SAMD3: variants seen among roughly 807,000 people sequenced by gnomAD.
SAMD3 encodes sterile alpha motif domain-containing protein 3.
SAMD3 carries 63 observed loss-of-function variants against 58.5 expected under a neutral mutation model. That is an observed-to-expected ratio of 1.08 (90% CI 0.88 to 1.33). The LOEUF (loss-of-function observed/expected upper bound fraction) is 1.33, where lower values mean the gene tolerates loss of function less well. SAMD3 is among the 40% of genes most tolerant of loss of function. SAMD3 has a pLI of 0.00. For missense variants in SAMD3, 604 were observed against 608.4 expected (o/e 0.99, Z 0.08); for synonymous variants, 220 against 210.3 (o/e 1.05, Z -0.40).
chr6:130,317,513 C>T (rs1776420647), intron 1 of SAMD3, among the ~76,000 whole-genome samples: 1 of 152,090 alleles, frequency 6.6e-6, no homozygotes, highest in Admixed American at 6.5e-5. Context: ...TAATAGGGTT[C>T]ATTAGGAAAT....
chr6:130,349,322 A>T (rs2115033470), intron 1 of SAMD3, among the ~76,000 whole-genome samples: 1 of 152,352 alleles, frequency 6.6e-6, no homozygotes, highest in South Asian at 2.1e-4. Flanking sequence ...CAAAATTGAT[A>T]GACCGCTAGC....
intron 9 of SAMD3, among the ~76,000 whole-genome samples, chr6:130,151,687 C>T (rs1486997695): frequency 2.6e-5 from 4 of 151,956 alleles, no homozygotes; most frequent in Non-Finnish European, 2.9e-5. Flanking sequence ...GTGATCTGCC[C>T]GCCTCGGCCT....
chr6:130,342,576 C>T (rs1324494869), intron 1 of SAMD3, among the ~76,000 whole-genome samples: 1 of 152,058 alleles, frequency 6.6e-6, no homozygotes, highest in Non-Finnish European at 1.5e-5. Context: ...CTTTAAAAAA[C>T]ATAAAATACC....
chr6:130,195,392 G>A (rs1318769995), intron 5 of SAMD3, among the ~76,000 whole-genome samples: 1 of 152,146 alleles, frequency 6.6e-6, no homozygotes, highest in South Asian at 2.1e-4. Context: ...ACAGCATGGT[G>A]TTTTAAAGCC....
intron 2 of SAMD3, among the ~76,000 whole-genome samples, chr6:130,239,512 T>C (rs541969893): frequency 6.6e-6 from 1 of 152,196 alleles, no homozygotes; most frequent in Non-Finnish European, 1.5e-5. Flanking sequence ...TAATCAACTC[T>C]ATAAATATAG....
intron 2 of SAMD3, among the ~76,000 whole-genome samples, chr6:130,281,699 G>C (rs924250998): frequency 6.6e-6 from 1 of 151,974 alleles, no homozygotes; most frequent in Non-Finnish European, 1.5e-5. Context: ...CAGGAGGATC[G>C]CCTGAGGTCA....
intron 9 of SAMD3, among the ~76,000 whole-genome samples, chr6:130,152,112 C>T (rs1412220842): frequency 6.6e-6 from 1 of 152,050 alleles, no homozygotes; most frequent in African/African-American, 2.4e-5. Context: ...CCACCGCCCA[C>T]CCCGGCTGCT....
At chr6:130,176,579 A>AGAGG (rs1791753435) in intron 7 of SAMD3, among the ~76,000 whole-genome samples, 4 of 152,224 alleles carry the variant, frequency 2.6e-5, no homozygotes, top group Non-Finnish European at 5.9e-5. Flanking sequence ...TCAGTGTAGC[A>AGAGG]GAGGGATGAG....
intron 5 of SAMD3, among the ~76,000 whole-genome samples, chr6:130,207,617 G>A (rs563739817): frequency 2.5e-4 from 38 of 152,278 alleles, no homozygotes; most frequent in African/African-American, 8.2e-4. Flanking sequence ...AAAGCTCTAG[G>A]AATCAACCAG....
At chr6:130,161,531 C>T (rs893977719) in intron 8 of SAMD3, 3 of 152,106 alleles carry the variant, frequency 2.0e-5, no homozygotes, top group Non-Finnish European at 4.4e-5. Flanking sequence ...GGGTTGTATT[C>T]TAGACTGAAG....
chr6:130,225,086 G>T (rs967672577), upstream of SAMD3, among the ~76,000 whole-genome samples: 3 of 152,172 alleles, frequency 2.0e-5, no homozygotes, highest in African/African-American at 7.2e-5. Flanking sequence ...GAGCAAGAGA[G>T]TGAGTGAGCA....
chr6:130,271,327 T>C (rs927823167), intron 2 of SAMD3, among the ~76,000 whole-genome samples: 2 of 152,180 alleles, frequency 1.3e-5, no homozygotes, highest in African/African-American at 4.8e-5. Flanking sequence ...AGAATTTCTG[T>C]TTCCCCTCAA....
chr6:130,281,883 T>C (rs1774992637), intron 2 of SAMD3, among the ~76,000 whole-genome samples: 1 of 127,556 alleles, frequency 7.8e-6, no homozygotes, highest in Non-Finnish European at 1.7e-5. Flanking sequence ...ACTGCACTCC[T>C]TGACTCCTTA....
intron 2 of SAMD3, among the ~76,000 whole-genome samples, chr6:130,295,002 C>T (rs1252814004): frequency 6.8e-6 from 1 of 146,032 alleles, no homozygotes; most frequent in African/African-American, 2.6e-5. Context: ...CACCTTTCCG[C>T]AACCTCTGCC....
At chr6:130,234,369 CTCAATA>C (rs1796625147) in intron 2 of SAMD3, among the ~76,000 whole-genome samples, 1 of 151,950 alleles carries the variant, frequency 6.6e-6, no homozygotes, top group African/African-American at 2.4e-5. Context: ...ACTATTTCTT[CTCAATA>C]TCAATAAGAG....
intron 2 of SAMD3, among the ~76,000 whole-genome samples, chr6:130,230,293 C>G (rs73614573): frequency 0.019 from 2,854 of 152,292 alleles, 76 homozygotes; most frequent in African/African-American, 0.064. Flanking sequence ...AACAGCTGGG[C>G]AGGGGGACTT....
intron 2 of SAMD3, among the ~76,000 whole-genome samples, chr6:130,279,011 T>A (rs148888630): frequency 1.3e-5 from 2 of 152,282 alleles, no homozygotes; most frequent in East Asian, 3.9e-4. Flanking sequence ...TCAAGTTGGA[T>A]CTGAATTTAA....
intron 2 of SAMD3, among the ~76,000 whole-genome samples, chr6:130,247,481 AG>A (rs148110512): frequency 0.018 from 2,706 of 151,518 alleles, 81 homozygotes; most frequent in African/African-American, 0.063. Flanking sequence ...AAAAAAAAAA[AG>A]GAAAATGTTC....
At chr6:130,150,288 T>C (rs1789034309) in intron 9 of SAMD3, among the ~76,000 whole-genome samples, 1 of 152,134 alleles carries the variant, frequency 6.6e-6, no homozygotes, top group African/African-American at 2.4e-5. Context: ...TAGGTGGCAA[T>C]ACCTTGTGGG....
Sources: gnomAD v4.1 joint callset for allele counts (sites outside exome capture counted in the v4.1 genomes callset) on GRCh38, gnomAD v4.1.1 for gene constraint, MANE v1.5 for transcripts, NCBI Gene and HGNC (gene_info 2026-07-23, HGNC 2026-07-21) for gene names.